NUP214: variants seen among roughly 807,000 people sequenced by gnomAD.
NUP214 encodes the protein nuclear pore complex protein Nup214.
NUP214 carries 79 observed loss-of-function variants against 196.2 expected under a neutral mutation model. The ratio of observed to expected loss-of-function variants is 0.40; its 90% CI spans 0.34 to 0.49. The LOEUF is 0.49. NUP214 is among the 20% of genes least tolerant of loss of function. The probability of loss-of-function intolerance (pLI) is 0.58; values close to 1 mark genes in which losing one functional copy is unlikely to be tolerated. For missense variants in NUP214, 2,468 were observed against 2,539.0 expected (o/e 0.97, Z 0.60); for synonymous variants, 1,020 against 990.5 (o/e 1.03, Z -0.56).
At chr9:131,127,821 C>T (rs970057013) in intron 2 of NUP214, 102 bp downstream of exon 2, 43 of 854,140 alleles carry the variant, frequency 5.0e-5, no homozygotes, top group South Asian at 3.4e-4. Context: ...ATGAACACTG[C>T]TGTCAGTTTG....
At chr9:131,180,365 A>C (rs1283219415) in intron 24 of NUP214, among the ~76,000 whole-genome samples, 3 of 152,234 alleles carry the variant, frequency 2.0e-5, no homozygotes, top group African/African-American at 7.2e-5. Context: ...ACCCCTCCCC[A>C]GGAAAGATCG....
chr9:131,166,346 TAG>T (rs1832786406), intron 21 of NUP214, among the ~76,000 whole-genome samples: 1 of 152,194 alleles, frequency 6.6e-6, no homozygotes, highest in African/African-American at 2.4e-5. Flanking sequence ...TATATTTAGA[TAG>T]AGTCCTTACA....
chr9:131,132,208 C>T (rs1259750485), intron 5 of NUP214, among the ~76,000 whole-genome samples: 1 of 150,062 alleles, frequency 6.7e-6, no homozygotes, highest in Non-Finnish European at 1.5e-5. Context: ...CAACCTATGC[C>T]TCCTGGGTTC....
At chr9:131,175,680 G>T (rs1457293265) in intron 23 of NUP214, 59 bp downstream of exon 23, 2 of 1,561,280 alleles carry the variant, frequency 1.3e-6, no homozygotes, top group Non-Finnish European at 1.7e-6. Context: ...TGAGTCACAG[G>T]CCAGGACAGC....
chr9:131,163,996 CT>C, intron 20 of NUP214, 41 bp downstream of exon 20: 2 of 1,611,946 alleles, frequency 1.2e-6, no homozygotes, highest in Non-Finnish European at 1.7e-6. Flanking sequence ...CCTTTATTCT[CT>C]TCCAAGTACT....
intron 23 of NUP214, among the ~76,000 whole-genome samples, chr9:131,176,305 A>G (rs1200527685): frequency 1.3e-5 from 2 of 151,202 alleles, no homozygotes; most frequent in East Asian, 3.9e-4. Flanking sequence ...TTCTTCTCCA[A>G]CTATATCTTG....
chr9:131,154,440 C>T (rs1337332958), intron 17 of NUP214, among the ~76,000 whole-genome samples: 1 of 152,004 alleles, frequency 6.6e-6, no homozygotes, highest in African/African-American at 2.4e-5. Context: ...ATCTGTCTGT[C>T]TGTCTGTCTA....
intron 5 of NUP214, among the ~76,000 whole-genome samples, chr9:131,131,707 A>G (rs1831548594): frequency 6.6e-6 from 1 of 151,192 alleles, no homozygotes; most frequent in Non-Finnish European, 1.5e-5. Flanking sequence ...TTTTTGAGAG[A>G]TGGTCTTGCT....
At chr9:131,213,809 A>AAG (rs952317263) in intron 30 of NUP214, among the ~76,000 whole-genome samples, 2 of 149,094 alleles carry the variant, frequency 1.3e-5, no homozygotes, top group African/African-American at 4.9e-5. Context: ...AAGGGGGAAA[A>AAG]AAAAGAGACT....
intron 27 of NUP214, among the ~76,000 whole-genome samples, chr9:131,193,001 C>G (rs540863150): frequency 1.6e-5 from 2 of 121,732 alleles, no homozygotes; most frequent in Admixed American, 1.7e-4. Context: ...GTATACTAAA[C>G]TTAGAGAATG....
chr9:131,198,064 G>A lies in NUP214; in HGVS notation c.4570G>A (p.Ala1524Thr). 4 of 1,614,194 alleles carry A rather than the reference G, an allele frequency of 2.5e-6. No homozygotes were observed. The highest frequency in any genetic ancestry group is 3.4e-6 in the Non-Finnish European group (4 of 1,180,024). ...AASLLEEQQS[A>T]QLPQAPPQTS... Reference sequence around the variant, plus strand: ...CTCACTTCTAGAGGAGCAACAGTCAGCCCAGCTTCCCCAGGCTCCTCCGCA... The same window carrying A: ...CTCACTTCTAGAGGAGCAACAGTCAACCCAGCTTCCCCAGGCTCCTCCGCA... The change falls in exon 29 of 36, where the codon GCC (alanine) becomes ACC (threonine). Residue 1524 changes from alanine to threonine, a missense_variant. Around this residue, in one of 5 missense-constraint regions of NUP214, gnomAD observed 1,801 missense variants for 1,779.4 expected, o/e 1.01. Coordinates refer to ENST00000359428, the MANE Select transcript of NUP214 (RefSeq NM_005085.4).
intron 14 of NUP214, among the ~76,000 whole-genome samples, chr9:131,149,300 G>A (rs1267991143): frequency 2.2e-5 from 3 of 136,910 alleles, no homozygotes; most frequent in Admixed American, 1.4e-4. Flanking sequence ...AGTGTTAATC[G>A]TTGTAAGTAT....
rs1459290518 is a variant in NUP214, at chr9:131,198,718, G to A, written c.5224G>A (p.Val1742Ile). Residue 1742 changes from valine to isoleucine, a missense_variant, in exon 29 of 36, where the codon GTC becomes ATC. Physicochemically the swap from Val to Ile is conservative, Grantham distance 29. Transcript: ENST00000359428. ...GCAGTCGGCGAGCAGTGCTGCAAGT[G>A]TCTTTTCCTTCAGTCAGCCTGGGTT... ...FGQSASSAASVFSFSQPGFSS... is the reference protein window; with the variant it reads ...FGQSASSAASIFSFSQPGFSS... 1 of 1,614,198 alleles carries A rather than the reference G, an allele frequency of 6.2e-7. No individual in the cohort carries two copies. The highest frequency in any genetic ancestry group is 8.5e-7 in the Non-Finnish European group (1 of 1,180,034).
At chr9:131,192,968 A>AG (rs71389401) in intron 27 of NUP214, among the ~76,000 whole-genome samples, 2 of 146,800 alleles carry the variant, frequency 1.4e-5, no homozygotes, top group Non-Finnish European at 3.0e-5. Context: ...AAAAAAAAAA[A>AG]GGCTTACTGC....
In NUP214 at chr9:131,140,550, T is replaced by A; in HGVS notation, c.1134T>A (p.Ser378Arg). 3.7e-6 allele frequency: 6 copies of A among 1,601,434 alleles called. No homozygotes were observed. The highest frequency in any genetic ancestry group is 5.1e-6 in the Non-Finnish European group (6 of 1,176,746). Residue 378 changes from serine (S) to arginine (R), a missense_variant and splice_region_variant, in exon 11 of 36, where the codon AGT becomes AGA. Ser to Arg is a moderately radical substitution (Grantham distance 110). This residue lies in a region of NUP214 where 1,801 missense variants were observed against 1,779.4 expected (regional missense o/e 1.01). Coordinates refer to ENST00000359428, the MANE Select transcript of NUP214 (RefSeq NM_005085.4). ...TATTTTTGTTTTCTTTTTTAACAGG[T>A]GATGAAAAGACTCTTCCTCCTGCTC... The part of the protein sequence containing the change: ...DYTNQVEITI[S>R]DEKTLPPAPV...
chr9:131,146,106 G>GC lies in NUP214; in HGVS notation c.1770-21dup. 6.2e-7 allele frequency: 1 copy of GC among 1,613,028 alleles called. No homozygotes were observed. The highest frequency in any genetic ancestry group is 8.5e-7 in the Non-Finnish European group (1 of 1,179,168). On this transcript the variant is annotated intron_variant, in intron 12 of 35. Coordinates refer to ENST00000359428, the MANE Select transcript of NUP214 (RefSeq NM_005085.4). This position sits in a 1 kb window ranked among gnomAD's most constrained non-coding sequence, Gnocchi z 4.6. ...GAATCTTCTAGCAGGCTCTTCTGAG[G>GC]CCTTCAGGCTGCCATTTTTCAGGTT...
At chr9:131,156,177 G>C (rs1334826298) in intron 17 of NUP214, among the ~76,000 whole-genome samples, 1 of 144,794 alleles carries the variant, frequency 6.9e-6, no homozygotes, top group Non-Finnish European at 1.5e-5. Flanking sequence ...CTGTCACCCA[G>C]GCTGGAGTAC....
chr9:131,229,445 C>T (rs1415522497), intron 33 of NUP214: 2 of 312,400 alleles, frequency 6.4e-6, no homozygotes, highest in Non-Finnish European at 1.2e-5. Flanking sequence ...TGAACCAGCA[C>T]ACAGTACCAC....
intron 27 of NUP214, among the ~76,000 whole-genome samples, chr9:131,194,876 A>G (rs924022058): frequency 6.6e-6 from 1 of 152,164 alleles, no homozygotes; most frequent in East Asian, 1.9e-4. Flanking sequence ...TTAACAGACC[A>G]TCTGCTCCGG....
Sources: gnomAD v4.1 joint callset for allele counts (sites outside exome capture counted in the v4.1 genomes callset) on GRCh38, gnomAD v4.1.1 for gene constraint, gnomAD v4.1.1 regional missense constraint, Gnocchi (gnomAD v3.1) non-coding constraint, MANE v1.5 for transcripts, NCBI Gene and HGNC (gene_info 2026-07-23, HGNC 2026-07-21) for gene names.